ABCB1: variants seen among roughly 807,000 people sequenced by gnomAD.
ABCB1 encodes ATP-dependent translocase ABCB1.
ABCB1 carries 69 observed loss-of-function variants against 142.0 expected under a neutral mutation model. That is an observed-to-expected ratio of 0.49 (90% CI 0.40 to 0.59). The LOEUF (loss-of-function observed/expected upper bound fraction) is 0.59, where lower values mean the gene tolerates loss of function less well. ABCB1 is among the 20% of genes least tolerant of loss of function. The pLI, the probability that ABCB1 is intolerant of heterozygous loss-of-function variation, is 0.00. For missense variants in ABCB1, 1,326 were observed against 1,554.7 expected (o/e 0.85, Z 2.47); for synonymous variants, 532 against 539.2 (o/e 0.99, Z 0.18).
rs1563023411 is a variant in ABCB1, at chr7:87,503,978, A to G, written c.*265T>C. The G allele has an allele frequency of 3.3e-5, 17 of 513,676 alleles. No individual in the cohort carries two copies. Among genetic ancestry groups the G allele is most frequent in the Admixed American group, 9.8e-5 (3 of 30,496 alleles). The allele number at this position is 513,676 out of a possible 1,614,324, so 31.8% of individuals were successfully genotyped here. A position where few individuals can be genotyped will look rare whatever the true frequency, so the allele number is the denominator to read the frequency against. On this transcript the variant is annotated 3_prime_UTR_variant, in exon 28 of 28. Transcript: ENST00000622132. ...TTACAGTCCAAATGGGAAAATATAAACAAAATTACACATTTTATCTTTTAA... is the reference window on the plus strand; with the variant it reads ...TTACAGTCCAAATGGGAAAATATAAGCAAAATTACACATTTTATCTTTTAA...
At chr7:87,685,585 A>C (rs1827378234) in intron 1 of ABCB1, among the ~76,000 whole-genome samples, 1 of 152,196 alleles carries the variant, frequency 6.6e-6, no homozygotes, top group African/African-American at 2.4e-5. Context: ...CAAAACCCTA[A>C]AGATTACGTA....
chr7:87,659,184 C>G, intron 1 of ABCB1: 1 of 421,316 alleles, frequency 2.4e-6, no homozygotes, highest in Non-Finnish European at 4.7e-6. Flanking sequence ...AACAACAAAA[C>G]TTTGGAATAA....
intron 25 of ABCB1, among the ~76,000 whole-genome samples, chr7:87,511,680 T>C (rs891156434): frequency 6.6e-5 from 10 of 152,206 alleles, no homozygotes; most frequent in African/African-American, 1.9e-4. Context: ...CAATTAGTAA[T>C]TGGGGGAAAA....
At chr7:87,638,061 A>AT (rs576889860) in intron 1 of ABCB1, among the ~76,000 whole-genome samples, 1 of 151,726 alleles carries the variant, frequency 6.6e-6, no homozygotes, top group Non-Finnish European at 1.5e-5. Flanking sequence ...GTATTATTAA[A>AT]TTTTTTTTGT....
chr7:87,645,459 G>A (rs1393454420), intron 1 of ABCB1, among the ~76,000 whole-genome samples: 2 of 152,024 alleles, frequency 1.3e-5, no homozygotes, highest in Admixed American at 6.6e-5. Context: ...TTTAAATAGA[G>A]ACATTTCAAA....
intron 1 of ABCB1, among the ~76,000 whole-genome samples, chr7:87,710,867 G>A (rs1242885256): frequency 1.3e-5 from 2 of 151,940 alleles, no homozygotes; most frequent in Non-Finnish European, 2.9e-5. Context: ...TACACATTAC[G>A]CCTGGAATAT....
chr7:87,543,157 G>A (rs1249217147), intron 17 of ABCB1, among the ~76,000 whole-genome samples: 1 of 152,104 alleles, frequency 6.6e-6, no homozygotes, highest in African/African-American at 2.4e-5. Context: ...AGCCAGGCAT[G>A]GTGGTGCAGG....
chr7:87,544,680 T>G, intron 16 of ABCB1, 143 bp downstream of exon 16: 1 of 800,590 alleles, frequency 1.2e-6, no homozygotes. Context: ...CTAACCTGAT[T>G]CTAAAATGTT....
chr7:87,536,344 T>G, intron 20 of ABCB1, 114 bp downstream of exon 20: 2 of 910,660 alleles, frequency 2.2e-6, no homozygotes, highest in Non-Finnish European at 3.6e-6. Flanking sequence ...GGTTAGATAT[T>G]TATTCAACAT....
At chr7:87,675,149 C>A (rs552793136) in intron 1 of ABCB1, among the ~76,000 whole-genome samples, 128 of 152,310 alleles carry the variant, frequency 8.4e-4, no homozygotes, top group African/African-American at 3.0e-3. Flanking sequence ...GGGCTAGGAA[C>A]AAGTCCCTGT....
At chr7:87,609,244 G>C (rs771120653) in intron 1 of ABCB1, among the ~76,000 whole-genome samples, 2 of 152,118 alleles carry the variant, frequency 1.3e-5, no homozygotes, top group Non-Finnish European at 2.9e-5. Context: ...GAGCCAAGAC[G>C]GGATAGAGCA....
At chr7:87,652,646 A>ATATATATATATATATATATG in intron 1 of ABCB1, among the ~76,000 whole-genome samples, 1 of 147,220 alleles carries the variant, frequency 6.8e-6, no homozygotes, top group Admixed American at 6.8e-5. Flanking sequence ...ATATATATAT[A>ATATATATATATATATATATG]GTAGGAAGTA....
intron 1 of ABCB1, among the ~76,000 whole-genome samples, chr7:87,632,916 T>C (rs950666180): frequency 6.6e-6 from 1 of 152,190 alleles, no homozygotes; most frequent in East Asian, 1.9e-4. Flanking sequence ...CCATGCAAAG[T>C]CATAATTTTC....
chr7:87,508,528 G>C (rs1228353337), intron 26 of ABCB1, among the ~76,000 whole-genome samples: 1 of 152,198 alleles, frequency 6.6e-6, no homozygotes, highest in African/African-American at 2.4e-5. Flanking sequence ...GCTTGAGAGA[G>C]GATGAGAGGT....
rs561535962 is a variant in ABCB1, at chr7:87,561,382, T to C, written c.708A>G (p.Leu236=). ...GLSAAVWAKI[L]SSFTDKELLA... ...AGAGTTCTTTATCAGTAAATGAAGATAGTATCTGTTTAAAAATACAATTTT... is the reference window on the plus strand; with the variant it reads ...AGAGTTCTTTATCAGTAAATGAAGACAGTATCTGTTTAAAAATACAATTTT... Residue 236 remains leucine, a synonymous_variant, in exon 8 of 28, where the codon CTA becomes CTG. Transcript: ENST00000622132. The C allele has an allele frequency of 9.3e-6, 15 of 1,611,758 alleles. No individual in the cohort carries two copies. The African/African-American group carries it at 1.6e-4, about 17-fold the overall frequency.
In ABCB1 at chr7:87,529,446, C is replaced by T. The variant is rs548361576; in HGVS notation, c.2685+1848G>A. ...TACCTACTTCTGTCCCTCTCATGAG[C>T]CACCCCTGAATTAGAAAATGTATCA... is the stretch of plus-strand genomic sequence containing the variant. On this transcript the variant is annotated intron_variant, in intron 21 of 27. Coordinates refer to ENST00000622132, the MANE Select transcript of ABCB1 (RefSeq NM_001348946.2). 9.2e-5 allele frequency among the ~76,000 whole-genome samples: 14 copies of T among 152,280 alleles called. No individual in the cohort carries two copies. The East Asian group carries it at 2.5e-3, about 27-fold the overall frequency.
At chr7:87,539,174 C>A (rs2117152023) in intron 19 of ABCB1, 94 bp downstream of exon 19, 1 of 1,331,968 alleles carries the variant, frequency 7.5e-7, no homozygotes, top group Non-Finnish European at 1.1e-6. Context: ...AGGAGCTAGG[C>A]CTGGGAAACA....
chr7:87,613,230 C>G (rs777183003), intron 1 of ABCB1, among the ~76,000 whole-genome samples: 24 of 112,062 alleles, frequency 2.1e-4, no homozygotes, highest in Admixed American at 4.4e-4. Context: ...TTGGCTTCCT[C>G]TTTTCCAATT....
intron 1 of ABCB1, among the ~76,000 whole-genome samples, chr7:87,627,286 T>C (rs34800935): frequency 0.22 from 33,465 of 151,882 alleles, 4,684 homozygotes; most frequent in East Asian, 0.44. Flanking sequence ...ATAAGAAAAA[T>C]AGAGATAGCC....
Sources: gnomAD v4.1 joint callset for allele counts (sites outside exome capture counted in the v4.1 genomes callset) on GRCh38, gnomAD v4.1.1 for gene constraint, MANE v1.5 for transcripts, NCBI Gene and HGNC (gene_info 2026-07-23, HGNC 2026-07-21) for gene names.